The following KDM5C variants were observed in gnomAD, a reference collection of about 807,000 sequenced individuals.
The protein encoded by KDM5C is lysine demethylase 5C, also known as lysine-specific demethylase 5C.
KDM5C carries 16 observed loss-of-function variants against 110.6 expected under a neutral mutation model. That is an observed-to-expected ratio of 0.14 (90% CI 0.10 to 0.22). The LOEUF (loss-of-function observed/expected upper bound fraction) is 0.22, where lower values mean the gene tolerates loss of function less well. Among genes scored for constraint, KDM5C ranks in the 10% least tolerant of loss-of-function variants. KDM5C has a pLI of 1.00. For synonymous variants in KDM5C, 511 were observed against 520.4 expected (o/e 0.98, Z 0.24); for missense variants, 681 against 1,300.9 (o/e 0.52, Z 7.33).
In KDM5C at chrX:53,195,132, C is replaced by T. The variant is rs1371740255; in HGVS notation, c.3301-64G>A. On this transcript the variant is annotated intron_variant, in intron 21 of 25. Coordinates refer to ENST00000375401, the MANE Select transcript of KDM5C (RefSeq NM_004187.5). ...CCTTACATCCCCCGCCTCCTTCCCT[C>T]CCTGGTGCCCCTACAAAACCCATGT... 3.4e-6 allele frequency: 4 copies of T among 1,171,601 alleles called. No homozygotes were observed. The African/African-American group carries it at 7.1e-5, about 21-fold the overall frequency.
chrX:53,191,115 C>A (rs1287688763), downstream of KDM5C, among the ~76,000 whole-genome samples: 2 of 111,851 alleles, frequency 1.8e-5, no homozygotes, highest in African/African-American at 6.5e-5. Flanking sequence ...GAATCTGATA[C>A]AAGCTGGTTA....
Position 53,199,230 on chromosome X carries a change from C to T in KDM5C, c.2062-72G>A, listed in dbSNP as rs928228870. On this transcript the variant is annotated intron_variant, in intron 14 of 25. Coordinates refer to ENST00000375401, the MANE Select transcript of KDM5C (RefSeq NM_004187.5). ...CAAAATCCTCCATCTCAGCCACCAC[C>T]GACCCCTACTTTAGATTCAAATCTA... 108 of 1,048,053 alleles carry T rather than the reference C, an allele frequency of 1.0e-4. No homozygotes were observed. The African/African-American group carries it at 1.6e-3, about 15-fold the overall frequency. The allele number at this position is 1,048,053 out of a possible 1,213,427, so 86.4% of individuals were successfully genotyped here. A position where few individuals can be genotyped will look rare whatever the true frequency, so the allele number is the denominator to read the frequency against.
intron 25 of KDM5C, among the ~76,000 whole-genome samples, chrX:53,186,082 G>C (rs1468336695): frequency 8.9e-6 from 1 of 112,077 alleles, no homozygotes; most frequent in Non-Finnish European, 1.9e-5. Context: ...TGGTGATCCA[G>C]ATTGCCACTG....
At chrX:53,197,502 CCT>C (rs1354211340) in intron 18 of KDM5C, among the ~76,000 whole-genome samples, 3 of 109,874 alleles carry the variant, frequency 2.7e-5, no homozygotes, top group South Asian at 4.0e-4. Context: ...AACAAGCACC[CCT>C]GTTACCTCCT....
In KDM5C at chrX:53,192,924, C is replaced by A. The variant is rs781971436; in HGVS notation, c.*43G>T. ...TGGTCAGAAAGAGGATCCTTGAGGC[C>A]GAGGGGGGTCTCTGTCAGGGTCTGT... is the stretch of plus-strand genomic sequence containing the variant. On this transcript the variant is annotated 3_prime_UTR_variant, in exon 26 of 26. Coordinates refer to ENST00000375401, the MANE Select transcript of KDM5C (RefSeq NM_004187.5). 1.0e-6 allele frequency: 1 copy of A among 955,591 alleles called. No homozygotes were observed. The highest frequency in any genetic ancestry group is 1.3e-6 in the Non-Finnish European group (1 of 748,011). 78.8% of individuals were successfully genotyped at this position (955,591 alleles called of 1,213,427 possible). A position where few individuals can be genotyped will look rare whatever the true frequency, so the allele number is the denominator to read the frequency against.
intron 8 of KDM5C, chrX:53,214,424 AAC>A (rs782302623): frequency 2.8e-6 from 1 of 355,575 alleles, no homozygotes; most frequent in African/African-American, 2.6e-5. Context: ...CAGAGTTTCT[AAC>A]ACACAATTTA....
At chrX:53,201,411 T>C (rs1009899979) in intron 14 of KDM5C, 139 bp downstream of exon 14, 11 of 577,878 alleles carry the variant, frequency 1.9e-5, no homozygotes, top group Non-Finnish European at 2.7e-5. Flanking sequence ...TAGCAGAGAA[T>C]GGTATGTGGT....
chrX:53,182,627 A>G (rs1231598094), intron 25 of KDM5C, among the ~76,000 whole-genome samples: 1 of 112,670 alleles, frequency 8.9e-6, no homozygotes, highest in African/African-American at 3.2e-5. Flanking sequence ...TCGGCCTCTC[A>G]GAGTGCTGGG....
At position 53,210,568 on chromosome X, in the gene KDM5C, G is replaced by A. The variant is rs2146914816; in HGVS notation, c.1592C>T (p.Pro531Leu). 8.3e-7 allele frequency: 1 copy of A among 1,211,640 alleles called. No homozygotes were observed. Among genetic ancestry groups the A allele is most frequent in the Non-Finnish European group, 1.1e-6 (1 of 895,489 alleles). The change falls in exon 12 of 26, where the codon CCG (proline) becomes CTG (leucine). Residue 531 changes from proline (P) to leucine (L), a missense_variant. By Grantham distance (98) the Pro-to-Leu change is moderately conservative. This residue lies in a region of KDM5C where 41 missense variants were observed against 205.9 expected (regional missense o/e 0.20). Coordinates refer to ENST00000375401, the MANE Select transcript of KDM5C (RefSeq NM_004187.5). ...TGAGGGCACCCCATACCAGGTCTTC[G>A]GCTCACCCCTGCACAAGTGGAAAAG... is the stretch of plus-strand genomic sequence containing the variant. ...YSINYLHWGE[P>L]KTWYGVPSLA...
intron 17 of KDM5C, 29 bp from the exon 18 acceptor site, chrX:53,197,905 G>A (rs1556838859): frequency 1.9e-6 from 2 of 1,060,241 alleles, no homozygotes; most frequent in East Asian, 3.3e-5. Flanking sequence ...GAGGTTTCAG[G>A]TCCAAACTCA....
intron 8 of KDM5C, 71 bp downstream of exon 8, chrX:53,214,618 G>A: frequency 9.1e-7 from 1 of 1,104,669 alleles, no homozygotes; most frequent in Non-Finnish European, 1.2e-6. Flanking sequence ...CTAAGAGGCT[G>A]CCCTCAATAA....
chrX:53,208,530 G>A (rs1376106878), intron 12 of KDM5C, among the ~76,000 whole-genome samples: 2 of 72,496 alleles, frequency 2.8e-5, no homozygotes, highest in Non-Finnish European at 4.8e-5. Context: ...TTGAAATGGA[G>A]TCTCTCCACC....
chrX:53,213,534 G>C (rs1340016862), intron 8 of KDM5C, among the ~76,000 whole-genome samples: 1 of 111,175 alleles, frequency 9.0e-6, no homozygotes, highest in Non-Finnish European at 1.9e-5. Flanking sequence ...CAACTTCCTG[G>C]CTGCTTGGCC....
Position 53,211,492 on chromosome X carries a change from C to T in KDM5C, c.1401+5G>A, listed in dbSNP as rs368154206. On this transcript the variant is annotated splice_donor_5th_base_variant and intron_variant, in intron 10 of 25. Transcript: ENST00000375401. ...CTGACACGTAACCATGAATCATCCA[C>T]TCACCTCCTCTTCGGGGGTTAGGTG... 3.7e-5 allele frequency: 45 copies of T among 1,209,231 alleles called. No individual in the cohort carries two copies. Among genetic ancestry groups the T allele is most frequent in the Non-Finnish European group, 4.7e-5 (42 of 894,464 alleles).
downstream of KDM5C, among the ~76,000 whole-genome samples, chrX:53,186,717 G>A (rs1934229650): frequency 8.9e-6 from 1 of 112,368 alleles, no homozygotes; most frequent in African/African-American, 3.2e-5. Flanking sequence ...TAGCTGTAGT[G>A]TTACAGCCCT....
intron 14 of KDM5C, among the ~76,000 whole-genome samples, chrX:53,200,322 A>C (rs2073102470): frequency 9.0e-6 from 1 of 111,514 alleles, no homozygotes; most frequent in South Asian, 3.8e-4. Flanking sequence ...GTAAACTATA[A>C]GTCCTCTTCC....
intron 19 of KDM5C, among the ~76,000 whole-genome samples, chrX:53,196,282 T>C (rs1556836707): frequency 1.8e-5 from 2 of 112,405 alleles, no homozygotes; most frequent in South Asian, 7.4e-4. Flanking sequence ...CACCTCTGTT[T>C]GTCTGCCAGT....
intron 12 of KDM5C, among the ~76,000 whole-genome samples, chrX:53,206,512 G>T (rs1234345447): frequency 9.0e-6 from 1 of 111,486 alleles, no homozygotes; most frequent in Non-Finnish European, 1.9e-5. Context: ...TAGTAACAAA[G>T]CGAAAATCAT....
intron 25 of KDM5C, among the ~76,000 whole-genome samples, chrX:53,185,217 T>C (rs1472129588): frequency 8.9e-6 from 1 of 112,189 alleles, no homozygotes; most frequent in Non-Finnish European, 1.9e-5. Flanking sequence ...GCCCATTGTC[T>C]GAGTTCTGGC....
Sources: gnomAD v4.1 joint callset for allele counts (sites outside exome capture counted in the v4.1 genomes callset) on GRCh38, gnomAD v4.1.1 for gene constraint, gnomAD v4.1.1 regional missense constraint, MANE v1.5 for transcripts, NCBI Gene and HGNC (gene_info 2026-07-23, HGNC 2026-07-21) for gene names.